The following TMEM117 variants were observed in gnomAD, a reference collection of about 807,000 sequenced individuals.
TMEM117 encodes transmembrane protein 117.
A neutral mutation model predicts 52.4 loss-of-function variants in TMEM117; 27 were observed. The ratio of observed to expected loss-of-function variants is 0.51; its 90% CI spans 0.38 to 0.71. TMEM117 has a LOEUF of 0.71. TMEM117 is among the 30% of genes least tolerant of loss of function. The pLI is 0.00. For missense variants in TMEM117, 556 were observed against 630.5 expected (o/e 0.88, Z 1.26); for synonymous variants, 215 against 206.3 (o/e 1.04, Z -0.36).
At chr12:43,971,545 A>G (rs1945587365) in intron 3 of TMEM117, among the ~76,000 whole-genome samples, 1 of 152,156 alleles carries the variant, frequency 6.6e-6, no homozygotes, top group Non-Finnish European at 1.5e-5. Flanking sequence ...CCACGCCTTC[A>G]CTGCCTATAC....
chr12:44,150,298 T>C (rs181469565), intron 4 of TMEM117, among the ~76,000 whole-genome samples: 7 of 149,212 alleles, frequency 4.7e-5, no homozygotes, highest in Non-Finnish European at 9.0e-5. Flanking sequence ...GGGGAATCTG[T>C]AAGAGATGAG....
the TMEM117 span, among the ~76,000 whole-genome samples, chr12:43,813,516 C>A: frequency 6.6e-6 from 1 of 151,882 alleles, no homozygotes; most frequent in Non-Finnish European, 1.5e-5. Context: ...TGTGAGCCAC[C>A]ACACCTGGCC....
intron 2 of TMEM117, among the ~76,000 whole-genome samples, chr12:43,850,959 T>G (rs1358748768): frequency 3.3e-5 from 5 of 152,176 alleles, no homozygotes; most frequent in African/African-American, 1.2e-4. Flanking sequence ...GTTACAGAAA[T>G]ATTGGAATGC....
At chr12:44,208,773 A>G (rs1949607787) in intron 4 of TMEM117, among the ~76,000 whole-genome samples, 2 of 141,610 alleles carry the variant, frequency 1.4e-5, no homozygotes, top group Non-Finnish European at 3.0e-5. Flanking sequence ...TTTTCCTGAG[A>G]AAATGCTTTA....
intron 3 of TMEM117, among the ~76,000 whole-genome samples, chr12:44,131,687 C>G (rs1948416246): frequency 6.6e-6 from 1 of 151,926 alleles, no homozygotes; most frequent in African/African-American, 2.4e-5. Context: ...TAAGTTGACC[C>G]TGTTATCATT....
chr12:44,345,011 T>C (rs1039922660), intron 6 of TMEM117, among the ~76,000 whole-genome samples: 1 of 151,870 alleles, frequency 6.6e-6, no homozygotes, highest in African/African-American at 2.4e-5. Context: ...AAACCAGTCA[T>C]CAAGAATCAC....
At chr12:44,275,286 C>G (rs757254059) in intron 5 of TMEM117, among the ~76,000 whole-genome samples, 1 of 151,940 alleles carries the variant, frequency 6.6e-6, no homozygotes. Context: ...TCTATCCAAA[C>G]GACAGACAAT....
At chr12:44,226,025 A>G (rs1026169439) in intron 5 of TMEM117, among the ~76,000 whole-genome samples, 2 of 152,212 alleles carry the variant, frequency 1.3e-5, no homozygotes, top group Non-Finnish European at 2.9e-5. Context: ...ACCCATACAC[A>G]TGTTCATTTC....
At chr12:44,210,208 GTTCTC>G (rs1407452488) in intron 4 of TMEM117, among the ~76,000 whole-genome samples, 2 of 152,052 alleles carry the variant, frequency 1.3e-5, no homozygotes, top group African/African-American at 4.8e-5. Context: ...ATGGAATGGT[GTTCTC>G]TTCTCTTGAA....
the TMEM117 span, chr12:43,805,466 G>C: frequency 4.5e-6 from 2 of 447,232 alleles, no homozygotes; most frequent in African/African-American, 2.0e-5. Flanking sequence ...ACTAGAACTC[G>C]TTAAGTGATC....
At chr12:44,390,263 C>G (rs374307896), downstream of TMEM117, among the ~76,000 whole-genome samples, 2 of 151,796 alleles carry the variant, frequency 1.3e-5, no homozygotes, top group African/African-American at 4.8e-5. Context: ...TATAGTAACC[C>G]ATTGCCCATA....
chr12:44,225,836 T>C (rs952114157), intron 5 of TMEM117, among the ~76,000 whole-genome samples: 11 of 152,154 alleles, frequency 7.2e-5, no homozygotes, highest in African/African-American at 2.4e-4. Context: ...TTAAAGTTAC[T>C]GGACTGGGTT....
At chr12:43,845,019 A>G (rs1317989586) in intron 2 of TMEM117, 91 bp downstream of exon 2, 7 of 1,464,456 alleles carry the variant, frequency 4.8e-6, no homozygotes, top group East Asian at 2.3e-5. Flanking sequence ...GTGCCAATGT[A>G]GGAGGCATTT....
At chr12:43,843,442 T>C (rs1943148368) in intron 1 of TMEM117, among the ~76,000 whole-genome samples, 2 of 152,328 alleles carry the variant, frequency 1.3e-5, no homozygotes, top group Admixed American at 6.5e-5. Context: ...TTGTGTTCTT[T>C]ATGGGCAGGC....
chr12:43,926,350 T>G (rs572450924), intron 2 of TMEM117, among the ~76,000 whole-genome samples: 4 of 152,308 alleles, frequency 2.6e-5, no homozygotes, highest in African/African-American at 9.6e-5. Flanking sequence ...TCTCTTCCAA[T>G]CAGCTTACTG....
chr12:44,223,415 G>C (rs1490665494), intron 5 of TMEM117, among the ~76,000 whole-genome samples: 2 of 141,452 alleles, frequency 1.4e-5, no homozygotes, highest in South Asian at 4.5e-4. Context: ...CAACCCCCCA[G>C]ACCTTACTCA....
chr12:43,821,678 G>A, the TMEM117 span, among the ~76,000 whole-genome samples: 1 of 152,178 alleles, frequency 6.6e-6, no homozygotes, highest in South Asian at 2.1e-4. Context: ...AAAGCACAGA[G>A]TTAAGTAACT....
intron 3 of TMEM117, among the ~76,000 whole-genome samples, chr12:44,106,126 G>A (rs68049983): frequency 0.23 from 35,625 of 151,920 alleles, 7,087 homozygotes; most frequent in African/African-American, 0.55. Flanking sequence ...TCACCTGTCT[G>A]TCTTTCCAGT....
intron 3 of TMEM117, among the ~76,000 whole-genome samples, chr12:44,119,808 A>G (rs1948204080): frequency 6.6e-6 from 1 of 152,196 alleles, no homozygotes; most frequent in Admixed American, 6.5e-5. Flanking sequence ...TGGGCTAGGC[A>G]ATAGTACCTC....
Sources: gnomAD v4.1 joint callset for allele counts (sites outside exome capture counted in the v4.1 genomes callset) on GRCh38, gnomAD v4.1.1 for gene constraint, MANE v1.5 for transcripts, NCBI Gene and HGNC (gene_info 2026-07-23, HGNC 2026-07-21) for gene names.